ST3GAL4: variants seen among roughly 807,000 people sequenced by gnomAD.
ST3GAL4 encodes the protein CMP-N-acetylneuraminate-beta-galactosamide-alpha-2,3-sialyltransferase 4.
In ST3GAL4, 24 loss-of-function variants were observed where a neutral mutation model predicts 42.6. The observed-to-expected ratio is 0.56, with a 90% CI of 0.41 to 0.79. The LOEUF (loss-of-function observed/expected upper bound fraction) is 0.79, where lower values mean the gene tolerates loss of function less well. Ranked by LOEUF, ST3GAL4 falls within the 30% of genes least tolerant of loss-of-function variation. ST3GAL4 has a pLI of 0.00. For missense variants in ST3GAL4, 311 were observed against 430.8 expected (o/e 0.72, Z 2.46); for synonymous variants, 135 against 163.2 (o/e 0.83, Z 1.32).
At position 126,355,938 on chromosome 11, in the gene ST3GAL4, C is replaced by G. The variant is rs1372829451; in HGVS notation, c.-61+96C>G. ...CGCCTGACCCCAGCCGGCGCCGCGCCTCCCGGAGGGGGTCGGGCCCTGCAC... is the reference window on the plus strand; with the variant it reads ...CGCCTGACCCCAGCCGGCGCCGCGCGTCCCGGAGGGGGTCGGGCCCTGCAC... On this transcript the variant is annotated intron_variant, in intron 1 of 10. Transcript: ENST00000444328. This position sits in a 1 kb window ranked among gnomAD's most constrained non-coding sequence, Gnocchi z 7.1. 3.3e-5 allele frequency: 5 copies of G among 150,864 alleles called. No homozygotes were observed. Among genetic ancestry groups the G allele is most frequent in the African/African-American group, 1.2e-4 (5 of 41,320 alleles). The allele number at this position is 150,864 out of a possible 1,614,324, so 9.3% of individuals were successfully genotyped here.
In ST3GAL4 at chr11:126,366,958, G is replaced by T. The variant is rs1373377806; in HGVS notation, c.-61+11116G>T. On this transcript the variant is annotated intron_variant, in intron 1 of 10. Transcript: ENST00000444328. The surrounding 1 kb of genome is among the most constrained non-coding windows in gnomAD (Gnocchi z 4.2). ...AACGTTGCCTTTGCTGTCCCTGCTT[G>T]GGGATTTTGGGGTACTGGGTTTGGA... Among the ~76,000 whole-genome samples the T allele has an allele frequency of 6.6e-6, 1 of 152,130 alleles. No individual in the cohort carries two copies. Among genetic ancestry groups the T allele is most frequent in the East Asian group, 1.9e-4 (1 of 5,192 alleles).
At position 126,407,606 on chromosome 11, in the gene ST3GAL4, A is replaced by C; in HGVS notation, c.313A>C (p.Ser105Arg). Reference protein sequence around the residue: ...DLLLRVLAITSSSIPKNIQSL... With the variant: ...DLLLRVLAITRSSIPKNIQSL... ...GCTCCTCCGGGTGCTAGCCATCACCAGCTCCTCCATCCCCAAGAACATCCA... is the reference window on the plus strand; with the variant it reads ...GCTCCTCCGGGTGCTAGCCATCACCCGCTCCTCCATCCCCAAGAACATCCA... The change falls in exon 6 of 11, where the codon AGC becomes CGC. Residue 105 changes from serine (S) to arginine (R), a missense_variant. Transcript: ENST00000444328. 1.2e-6 allele frequency: 2 copies of C among 1,614,070 alleles called. No individual in the cohort carries two copies. The highest frequency in any genetic ancestry group is 1.7e-6 in the Non-Finnish European group (2 of 1,179,992).
chr11:126,368,936 G>A (rs552672503), intron 1 of ST3GAL4, among the ~76,000 whole-genome samples: 6 of 152,166 alleles, frequency 3.9e-5, no homozygotes, highest in East Asian at 1.9e-4. Flanking sequence ...CCCCCACCCC[G>A]TTGGAGAAGC....
In ST3GAL4 at chr11:126,366,361, G is replaced by A. The variant is rs1387077931; in HGVS notation, c.-61+10519G>A. Among the ~76,000 whole-genome samples, 2 of 152,142 alleles carry A rather than the reference G, an allele frequency of 1.3e-5. No individual in the cohort carries two copies. Among genetic ancestry groups the A allele is most frequent in the African/African-American group, 2.4e-5 (1 of 41,434 alleles). Reference sequence around the variant, plus strand: ...TATGTGGGCATGGGGTGGTGGGGGCGTGCAGAGAGGAGGAGGACTGAGAGC... The same window carrying A: ...TATGTGGGCATGGGGTGGTGGGGGCATGCAGAGAGGAGGAGGACTGAGAGC... On this transcript the variant is annotated intron_variant, in intron 1 of 10. Coordinates refer to ENST00000444328, the MANE Select transcript of ST3GAL4 (RefSeq NM_001254757.2). The surrounding 1 kb of genome is among the most constrained non-coding windows in gnomAD (Gnocchi z 4.2).
At chr11:126,372,000 T>TTG (rs1952670623) in intron 1 of ST3GAL4, among the ~76,000 whole-genome samples, 1 of 152,274 alleles carries the variant, frequency 6.6e-6, no homozygotes, top group Non-Finnish European at 1.5e-5. Context: ...AATTGCCTTT[T>TTG]TGTGTTCTTT....
At position 126,386,476 on chromosome 11, in the gene ST3GAL4, C is replaced by T. The variant is rs1162739469; in HGVS notation, c.-60-19620C>T. Among the ~76,000 whole-genome samples the T allele has an allele frequency of 6.6e-6, 1 of 152,082 alleles. No individual in the cohort carries two copies. The highest frequency in any genetic ancestry group is 1.5e-5 in the Non-Finnish European group (1 of 68,012). On this transcript the variant is annotated intron_variant, in intron 1 of 10. Coordinates refer to ENST00000444328, the MANE Select transcript of ST3GAL4 (RefSeq NM_001254757.2). This position sits in a 1 kb window ranked among gnomAD's most constrained non-coding sequence, Gnocchi z 4.7. Reference sequence around the variant, plus strand: ...CCTGTGCTGGGACAGGGGTATTATTCCAGTAGCCCTTCTGTGGAACAAGTA... The same window carrying T: ...CCTGTGCTGGGACAGGGGTATTATTTCAGTAGCCCTTCTGTGGAACAAGTA...
In ST3GAL4 at chr11:126,414,268, C is replaced by T. The variant is rs758276585; in HGVS notation, c.*221C>T. 74 of 577,548 alleles carry T rather than the reference C, an allele frequency of 1.3e-4. No individual in the cohort carries two copies. The highest frequency in any genetic ancestry group is 7.5e-4 in the African/African-American group (40 of 53,512). 35.8% of individuals were successfully genotyped at this position (577,548 alleles called of 1,614,324 possible). ...TGGGGGCGCTGGAGCCGTGGGAGCCCGGCCAGGGCAGGGGGCTCGTTGCTG... is the reference window on the plus strand; with the variant it reads ...TGGGGGCGCTGGAGCCGTGGGAGCCTGGCCAGGGCAGGGGGCTCGTTGCTG... On this transcript the variant is annotated 3_prime_UTR_variant, in exon 11 of 11. Transcript: ENST00000444328.
chr11:126,361,612 C>T (rs1011047634), intron 1 of ST3GAL4, among the ~76,000 whole-genome samples: 2 of 152,100 alleles, frequency 1.3e-5, no homozygotes, highest in Non-Finnish European at 2.9e-5. Context: ...CCTTCCTCCC[C>T]CTGCGTTCTC....
Position 126,414,250 on chromosome 11 carries a change from G to A in ST3GAL4, c.*203G>A, listed in dbSNP as rs1358006306. ...GCCGAGATCCAGTCAGGGTGGGGGC[G>A]CTGGAGCCGTGGGAGCCCGGCCAGG... On this transcript the variant is annotated 3_prime_UTR_variant, in exon 11 of 11. Coordinates refer to ENST00000444328, the MANE Select transcript of ST3GAL4 (RefSeq NM_001254757.2). 4 of 594,366 alleles carry A rather than the reference G, an allele frequency of 6.7e-6. No individual in the cohort carries two copies. In the Admixed American group the frequency reaches 8.7e-5, roughly 13 times the overall value. 36.8% of individuals were successfully genotyped at this position (594,366 alleles called of 1,614,324 possible). A position where few individuals can be genotyped will look rare whatever the true frequency, so the allele number is the denominator to read the frequency against.
Position 126,406,925 on chromosome 11 carries a change from G to A in ST3GAL4, c.102-18G>A. ...GGTCTGACTGGGGCTTCTGCCTCCT[G>A]TCCTTTTTTCTCTCCAGTTTTTATT... On this transcript the variant is annotated intron_variant, in intron 3 of 10. Coordinates refer to ENST00000444328, the MANE Select transcript of ST3GAL4 (RefSeq NM_001254757.2). This position sits in a 1 kb window ranked among gnomAD's most constrained non-coding sequence, Gnocchi z 5.4. 1.2e-6 allele frequency: 2 copies of A among 1,612,470 alleles called. No homozygotes were observed.
intron 1 of ST3GAL4, among the ~76,000 whole-genome samples, chr11:126,370,153 A>G (rs897843864): frequency 3.3e-5 from 5 of 152,240 alleles, no homozygotes; most frequent in Non-Finnish European, 7.3e-5. Flanking sequence ...TTTCTGTGGA[A>G]TAAGCTTCTG....
rs111958228 is a variant in ST3GAL4, at chr11:126,391,936, CGTGTGTGTGTGTGTGTGT to C, written c.-60-14141_-60-14124del. 6.9e-6 allele frequency among the ~76,000 whole-genome samples: 1 copy of C among 144,392 alleles called. No individual in the cohort carries two copies. The highest frequency in any genetic ancestry group is 1.5e-5 in the Non-Finnish European group (1 of 66,140). 94.7% of individuals were successfully genotyped at this position (144,392 alleles called of 152,430 possible). A position where few individuals can be genotyped will look rare whatever the true frequency, so the allele number is the denominator to read the frequency against. On this transcript the variant is annotated intron_variant, in intron 1 of 10. Transcript: ENST00000444328. The surrounding 1 kb of genome is among the most constrained non-coding windows in gnomAD (Gnocchi z 5.5). ...CTCAGAACACCTGTGATAACTTGGT[CGTGTGTGTGTGTGTGTGT>C]GTGTGTGTGTGTGTGTGTATGTGTG...
At position 126,355,866 on chromosome 11, in the gene ST3GAL4, G is replaced by C. The variant is rs1287670168; in HGVS notation, c.-61+24G>C. ...GGGTGAGTACGCGGCGGCGGTGCGC[G>C]GGGGCCCGCGGGGCGGGGCGGGGCG... On this transcript the variant is annotated intron_variant, in intron 1 of 10. Transcript: ENST00000444328. This position sits in a 1 kb window ranked among gnomAD's most constrained non-coding sequence, Gnocchi z 7.1. The C allele has an allele frequency of 2.0e-5, 3 of 149,020 alleles. No homozygotes were observed. Among genetic ancestry groups the C allele is most frequent in the African/African-American group, 7.3e-5 (3 of 41,100 alleles). 9.2% of individuals were successfully genotyped at this position (149,020 alleles called of 1,614,324 possible).
chr11:126,413,120 G>A (rs556761663), intron 9 of ST3GAL4, among the ~76,000 whole-genome samples: 1 of 151,948 alleles, frequency 6.6e-6, no homozygotes, highest in African/African-American at 2.4e-5. Flanking sequence ...GAGATGGGGG[G>A]GTCTCACTAT....
At position 126,363,908 on chromosome 11, in the gene ST3GAL4, C is replaced by G. The variant is rs527826918; in HGVS notation, c.-61+8066C>G. ...CGGCACCGTGTCGCCCTGCCCCAGC[C>G]CAGAGCTTGCCTCTGTTGGCTTTGT... On this transcript the variant is annotated intron_variant, in intron 1 of 10. Transcript: ENST00000444328. This position sits in a 1 kb window ranked among gnomAD's most constrained non-coding sequence, Gnocchi z 4.6. Among the ~76,000 whole-genome samples, 7 of 152,356 alleles carry G rather than the reference C, an allele frequency of 4.6e-5. No individual in the cohort carries two copies. Among genetic ancestry groups the G allele is most frequent in the African/African-American group, 1.7e-4 (7 of 41,584 alleles).
rs2135489472 is a variant in ST3GAL4, at chr11:126,393,036, ACTCAGGGGGTCCTCCTGT to A, written c.-60-13054_-60-13037del. On this transcript the variant is annotated intron_variant, in intron 1 of 10. Transcript: ENST00000444328. This position sits in a 1 kb window ranked among gnomAD's most constrained non-coding sequence, Gnocchi z 5.9. ...GCTTACTGCAGCCTCGATCTCCTGGACTCAGGGGGTCCTCCTGTCTCAGCCTCCCAAGTATCTAGGACT... is the reference window on the plus strand; with the variant it reads ...GCTTACTGCAGCCTCGATCTCCTGGACTCAGCCTCCCAAGTATCTAGGACT... 6.8e-6 allele frequency among the ~76,000 whole-genome samples: 1 copy of A among 147,470 alleles called. No homozygotes were observed. Among genetic ancestry groups the A allele is most frequent in the Non-Finnish European group, 1.5e-5 (1 of 67,534 alleles).
intron 1 of ST3GAL4, chr11:126,403,523 GC>G: frequency 1.1e-6 from 1 of 874,898 alleles, no homozygotes; most frequent in South Asian, 5.2e-5. Context: ...CCCTATTCAT[GC>G]CTGGGCCCCA....
intron 1 of ST3GAL4, among the ~76,000 whole-genome samples, chr11:126,356,462 C>G (rs1952066438): frequency 6.6e-6 from 1 of 152,184 alleles, no homozygotes; most frequent in Non-Finnish European, 1.5e-5. Flanking sequence ...TGGGTGTTTC[C>G]TCGGGGACCT....
chr11:126,408,553 C>G (rs919644274), intron 8 of ST3GAL4, 57 bp downstream of exon 8: 22 of 1,583,408 alleles, frequency 1.4e-5, no homozygotes, highest in African/African-American at 5.4e-5. Context: ...CTGCCCGAGT[C>G]AGGACCTCAC....
Sources: gnomAD v4.1 joint callset for allele counts (sites outside exome capture counted in the v4.1 genomes callset) on GRCh38, gnomAD v4.1.1 for gene constraint, Gnocchi (gnomAD v3.1) non-coding constraint, MANE v1.5 for transcripts, NCBI Gene and HGNC (gene_info 2026-07-23, HGNC 2026-07-21) for gene names.